EVI5: variants seen among roughly 807,000 people sequenced by gnomAD.
EVI5 encodes ecotropic viral integration site 5.
A neutral mutation model predicts 112.0 loss-of-function variants in EVI5; 73 were observed. The observed-to-expected ratio is 0.65, with a 90% CI of 0.54 to 0.79. The LOEUF (loss-of-function observed/expected upper bound fraction) is 0.79, where lower values mean the gene tolerates loss of function less well. Ranked by LOEUF, EVI5 falls within the 30% of genes least tolerant of loss-of-function variation. EVI5 has a pLI of 0.00. For missense variants in EVI5, 900 were observed against 968.8 expected, an observed-to-expected ratio of 0.93 and a Z score of 0.94; for synonymous variants, 305 against 319.9, an observed-to-expected ratio of 0.95 and a Z score of 0.50.
In EVI5 at chr1:92,665,948, T is replaced by A; in HGVS notation, c.1203A>T (p.Thr401=). The change falls in exon 11 of 20, where the codon ACA becomes ACT. Residue 401 remains threonine, a synonymous_variant. Coordinates refer to ENST00000684568, the MANE Select transcript of EVI5 (RefSeq NM_001350197.2). ...GTAGTCACTTACTTACTTTTTCTAA[T>A]GTCTCGATGCGCTGTTTTAAAAGTC... ...ENRLLKQRIE[T]LEKESASLAD... is the part of the protein sequence containing the mutation. The A allele has an allele frequency of 6.2e-7, 1 of 1,603,608 alleles. No individual in the cohort carries two copies. The highest frequency in any genetic ancestry group is 8.5e-7 in the Non-Finnish European group (1 of 1,175,972).
At chr1:92,525,422 C>T (rs1661715204) in intron 19 of EVI5, among the ~76,000 whole-genome samples, 1 of 152,024 alleles carries the variant, frequency 6.6e-6, no homozygotes, top group Non-Finnish European at 1.5e-5. Context: ...GCCTACGTCA[C>T]CATACTTGGC....
chr1:92,586,935 T>C (rs1557844233), intron 18 of EVI5, among the ~76,000 whole-genome samples: 1 of 152,008 alleles, frequency 6.6e-6, no homozygotes, highest in Non-Finnish European at 1.5e-5. Context: ...TAAACTAATT[T>C]TTAATAACAC....
intron 12 of EVI5, 23 bp from the exon 13 acceptor site, chr1:92,662,888 T>C (rs2102179940): frequency 7.9e-7 from 1 of 1,260,356 alleles, no homozygotes. Flanking sequence ...TTTTTGTGTG[T>C]GTAAAGCAAT....
intron 14 of EVI5, 89 bp downstream of exon 14, chr1:92,636,113 C>A: frequency 2.8e-6 from 3 of 1,061,616 alleles, no homozygotes; most frequent in South Asian, 1.8e-5. Flanking sequence ...ATAAAAACAC[C>A]AAGTCAATTA....
intron 1 of EVI5, among the ~76,000 whole-genome samples, chr1:92,775,512 CTG>C (rs2103067583): frequency 6.6e-6 from 1 of 152,100 alleles, no homozygotes; most frequent in Admixed American, 6.5e-5. Context: ...ACAAGTACCA[CTG>C]TGTTACAACT....
intron 1 of EVI5, among the ~76,000 whole-genome samples, chr1:92,781,058 G>T (rs1684800894): frequency 6.6e-6 from 1 of 151,842 alleles, no homozygotes; most frequent in South Asian, 2.1e-4. Flanking sequence ...CGCCATGTTG[G>T]CTAGGCTGGT....
intron 19 of EVI5, among the ~76,000 whole-genome samples, chr1:92,519,078 T>C (rs1660433249): frequency 6.6e-6 from 1 of 152,218 alleles, no homozygotes; most frequent in Non-Finnish European, 1.5e-5. Flanking sequence ...GGATCAATCA[T>C]GAGATGTAGA....
At chr1:92,682,400 T>C (rs943858015) in intron 9 of EVI5, among the ~76,000 whole-genome samples, 3 of 152,134 alleles carry the variant, frequency 2.0e-5, no homozygotes, top group Admixed American at 6.5e-5. Context: ...CAGTCTTCTG[T>C]ATTTCAGTAA....
chr1:92,545,520 A>C (rs1032780992), intron 19 of EVI5, among the ~76,000 whole-genome samples: 1 of 152,226 alleles, frequency 6.6e-6, no homozygotes, highest in African/African-American at 2.4e-5. Flanking sequence ...ATTAAAAAAG[A>C]AGCATGATGT....
chr1:92,571,325 C>T (rs1343965123), intron 18 of EVI5, among the ~76,000 whole-genome samples: 1 of 151,216 alleles, frequency 6.6e-6, no homozygotes, highest in East Asian at 1.9e-4. Flanking sequence ...ATTTGTCACA[C>T]ATTAGTGGCA....
chr1:92,546,095 C>A (rs1343025743), intron 19 of EVI5, among the ~76,000 whole-genome samples: 4 of 152,048 alleles, frequency 2.6e-5, no homozygotes, highest in South Asian at 4.1e-4. Flanking sequence ...CTTTTATACA[C>A]CTAGCACAGC....
At chr1:92,519,414 G>C (rs1311143930) in intron 19 of EVI5, among the ~76,000 whole-genome samples, 4 of 152,148 alleles carry the variant, frequency 2.6e-5, no homozygotes, top group African/African-American at 9.7e-5. Context: ...ACACATAAAA[G>C]GAGATTTCGT....
chr1:92,579,849 C>T (rs1043171451), intron 18 of EVI5, among the ~76,000 whole-genome samples: 2 of 152,140 alleles, frequency 1.3e-5, no homozygotes, highest in East Asian at 1.9e-4. Context: ...TTAACTTAAA[C>T]GGTCGCTTGT....
intron 16 of EVI5, among the ~76,000 whole-genome samples, chr1:92,619,003 A>G (rs1653887933): frequency 6.6e-6 from 1 of 152,136 alleles, no homozygotes; most frequent in Admixed American, 6.5e-5. Flanking sequence ...TTACCTCATT[A>G]TTGTCTTTAT....
chr1:92,705,724 C>G (rs952220920), intron 2 of EVI5, among the ~76,000 whole-genome samples: 1 of 152,206 alleles, frequency 6.6e-6, no homozygotes, highest in Non-Finnish European at 1.5e-5. Context: ...GAAAACGTAG[C>G]TCTATCACTA....
chr1:92,790,370 T>C (rs1453609156), intron 1 of EVI5, among the ~76,000 whole-genome samples: 1 of 152,110 alleles, frequency 6.6e-6, no homozygotes, highest in African/African-American at 2.4e-5. Flanking sequence ...AAGTGCTCAA[T>C]AATAGCACAT....
intron 4 of EVI5, among the ~76,000 whole-genome samples, chr1:92,702,469 A>AAAATG (rs1362904722): frequency 1.3e-5 from 2 of 151,270 alleles, no homozygotes; most frequent in East Asian, 3.9e-4. Flanking sequence ...AAAATAAAAT[A>AAAATG]AAATAAAATA....
chr1:92,663,476 G>A, intron 11 of EVI5, 24 bp from the exon 12 acceptor site: 1 of 1,207,170 alleles, frequency 8.3e-7, no homozygotes, highest in Non-Finnish European at 1.1e-6. Flanking sequence ...AATTCAGATA[G>A]AAATATAAGA....
intron 19 of EVI5, among the ~76,000 whole-genome samples, chr1:92,529,582 A>T (rs533003033): frequency 6.6e-6 from 1 of 152,240 alleles, no homozygotes; most frequent in Admixed American, 6.5e-5. Flanking sequence ...CTCAGTTTCA[A>T]TTATTTGTTT....
Sources: gnomAD v4.1 joint callset for allele counts (sites outside exome capture counted in the v4.1 genomes callset) on GRCh38, gnomAD v4.1.1 for gene constraint, MANE v1.5 for transcripts, NCBI Gene and HGNC (gene_info 2026-07-23, HGNC 2026-07-21) for gene names.